LSAMP: variants seen among roughly 807,000 people sequenced by gnomAD.
LSAMP encodes the protein limbic system-associated membrane protein.
Under a neutral mutation model 38.6 loss-of-function variants are expected in LSAMP, and 7 were observed. The ratio of observed to expected loss-of-function variants is 0.18; its 90% CI spans 0.10 to 0.34. The LOEUF is 0.34. Ranked by LOEUF, LSAMP falls within the 10% of genes least tolerant of loss-of-function variation. The pLI, the probability that LSAMP is intolerant of heterozygous loss-of-function variation, is 1.00. For missense variants in LSAMP, 313 were observed against 420.0 expected, an observed-to-expected ratio of 0.75 and a Z score of 2.23; for synonymous variants, 154 against 166.8, an observed-to-expected ratio of 0.92 and a Z score of 0.59.
chr3:116,286,530 C>A (rs2047196221), intron 1 of LSAMP, among the ~76,000 whole-genome samples: 1 of 152,114 alleles, frequency 6.6e-6, no homozygotes, highest in East Asian at 1.9e-4. Flanking sequence ...GGCTCATGTC[C>A]TCAGATGAGG....
At chr3:116,227,173 A>G (rs1294227564) in intron 1 of LSAMP, among the ~76,000 whole-genome samples, 1 of 152,062 alleles carries the variant, frequency 6.6e-6, no homozygotes, top group Non-Finnish European at 1.5e-5. Context: ...TTCAAGGAAA[A>G]TCTACCCATA....
In LSAMP at chr3:115,809,199, C is replaced by T. The variant is rs1933726522; in HGVS notation, c.*1118G>A. ...ATTTTCTCTCCTAGGTCACCTCGTC[C>T]ACGTCATAATTCCTTATGCTGTTTG... is the stretch of plus-strand genomic sequence containing the variant. On this transcript the variant is annotated 3_prime_UTR_variant, in exon 7 of 7. Transcript: ENST00000490035. The T allele has an allele frequency of 6.6e-6, 1 of 152,136 alleles. No individual in the cohort carries two copies. Among genetic ancestry groups the T allele is most frequent in the South Asian group, 2.1e-4 (1 of 4,838 alleles). 9.4% of individuals were successfully genotyped at this position (152,136 alleles called of 1,614,324 possible).
At chr3:116,023,357 G>A (rs1217240836) in intron 2 of LSAMP, among the ~76,000 whole-genome samples, 1 of 151,804 alleles carries the variant, frequency 6.6e-6, no homozygotes, top group African/African-American at 2.4e-5. Context: ...CACTTTGGGA[G>A]GCCGAGGCAG....
intron 1 of LSAMP, among the ~76,000 whole-genome samples, chr3:116,153,998 A>G (rs1471495541): frequency 6.6e-6 from 1 of 152,130 alleles, no homozygotes; most frequent in Non-Finnish European, 1.5e-5. Context: ...CTCCCAAAAT[A>G]TTTCATATAG....
At chr3:115,895,333 C>G (rs533332641) in intron 3 of LSAMP, among the ~76,000 whole-genome samples, 1 of 152,068 alleles carries the variant, frequency 6.6e-6, no homozygotes, top group South Asian at 2.1e-4. Flanking sequence ...GGCAAGAGAC[C>G]AAACATTCAT....
intron 1 of LSAMP, among the ~76,000 whole-genome samples, chr3:116,354,456 T>C (rs1000372657): frequency 1.4e-4 from 21 of 152,182 alleles, no homozygotes; most frequent in African/African-American, 4.8e-4. Flanking sequence ...CAAAACATTG[T>C]TGTGAGTTAG....
rs554286502 is a variant in LSAMP, at chr3:116,167,110, T to A, written c.156-80554A>T. ...CTGGCCCTAAAATTTTTAATTTTTT[T>A]AAATTTTAATAGTTTTTTGGGTACA... On this transcript the variant is annotated intron_variant, in intron 1 of 6. Transcript: ENST00000490035. 4.9e-3 allele frequency among the ~76,000 whole-genome samples: 744 copies of A among 152,252 alleles called. 6 individuals are homozygous for A. The highest frequency in any genetic ancestry group is 0.016 in the African/African-American group (675 of 41,530).
rs527487280 is a variant in LSAMP at position 115,984,129 on chromosome 3, A to G, written c.514+35386T>C. 5.3e-5 allele frequency among the ~76,000 whole-genome samples: 8 copies of G among 152,322 alleles called. No individual in the cohort carries two copies. The South Asian group carries it at 1.7e-3, about 32-fold the overall frequency. On this transcript the variant is annotated intron_variant, in intron 3 of 6. Coordinates refer to ENST00000490035, the MANE Select transcript of LSAMP (RefSeq NM_002338.5). ...TCAAGAGATATTTAAGTCACAGCTT[A>G]GAATCAAGCTGGGTATGGGGAGCAA...
chr3:116,046,696 C>T (rs533485541), intron 2 of LSAMP, among the ~76,000 whole-genome samples: 1 of 152,176 alleles, frequency 6.6e-6, no homozygotes, highest in Admixed American at 6.5e-5. Flanking sequence ...TGCTAGGGAG[C>T]CTTGGCAGTT....
intron 3 of LSAMP, among the ~76,000 whole-genome samples, chr3:115,969,159 G>A (rs1339691349): frequency 6.6e-6 from 1 of 152,170 alleles, no homozygotes; most frequent in Non-Finnish European, 1.5e-5. Context: ...TTGCTCATCT[G>A]ATTGTTGGTT....
chr3:116,422,488 T>A lies in LSAMP; in HGVS notation c.155+22389A>T, dbSNP rs540070591. On this transcript the variant is annotated intron_variant, in intron 1 of 6. Coordinates refer to ENST00000490035, the MANE Select transcript of LSAMP (RefSeq NM_002338.5). ...CCCCATTTTATAGAAGAGACTTGAT[T>A]TGGGTATCAAAGGACGTTCTGGAAC... Among the ~76,000 whole-genome samples, 1,124 of 152,294 alleles carry A rather than the reference T, an allele frequency of 7.4e-3. 11 individuals are homozygous for A. The highest frequency in any genetic ancestry group is 0.026 in the African/African-American group (1,064 of 41,556).
At chr3:116,095,235 T>C (rs1708201061) in intron 1 of LSAMP, among the ~76,000 whole-genome samples, 1 of 152,194 alleles carries the variant, frequency 6.6e-6, no homozygotes, top group African/African-American at 2.4e-5. Context: ...CTTATTACAA[T>C]GATCATCACC....
intron 1 of LSAMP, among the ~76,000 whole-genome samples, chr3:116,389,240 T>C (rs1235055219): frequency 6.6e-6 from 1 of 152,166 alleles, no homozygotes; most frequent in Non-Finnish European, 1.5e-5. Flanking sequence ...GGCTCTCTAG[T>C]GTCTCTTCCA....
At chr3:115,919,056 G>A (rs766424056) in intron 3 of LSAMP, among the ~76,000 whole-genome samples, 1 of 152,134 alleles carries the variant, frequency 6.6e-6, no homozygotes, top group Non-Finnish European at 1.5e-5. Flanking sequence ...TTCTGCTCTA[G>A]AAGAGTTGAT....
At chr3:116,194,603 A>G (rs1710837603) in intron 1 of LSAMP, among the ~76,000 whole-genome samples, 9 of 152,118 alleles carry the variant, frequency 5.9e-5, no homozygotes, top group Admixed American at 5.9e-4. Context: ...TCACCGTGTT[A>G]GCCAGGATGG....
At chr3:116,373,865 G>T (rs1378469935) in intron 1 of LSAMP, among the ~76,000 whole-genome samples, 1 of 151,900 alleles carries the variant, frequency 6.6e-6, no homozygotes, top group Non-Finnish European at 1.5e-5. Context: ...TCATGGAGCT[G>T]TTGACTTTAG....
At chr3:116,214,452 G>A (rs1198172768) in intron 1 of LSAMP, among the ~76,000 whole-genome samples, 1 of 147,262 alleles carries the variant, frequency 6.8e-6, no homozygotes, top group Non-Finnish European at 1.5e-5. Flanking sequence ...AAGGCCCTGA[G>A]TTTTCTGTTT....
chr3:115,972,484 T>A (rs1410716080), intron 3 of LSAMP, among the ~76,000 whole-genome samples: 1 of 151,728 alleles, frequency 6.6e-6, no homozygotes, highest in African/African-American at 2.4e-5. Context: ...TATTTAAAAT[T>A]TTTAATATAT....
chr3:115,958,427 T>C (rs1370712447), intron 3 of LSAMP, among the ~76,000 whole-genome samples: 1 of 152,216 alleles, frequency 6.6e-6, no homozygotes, highest in Non-Finnish European at 1.5e-5. Context: ...TTTTGAATTG[T>C]AAACGTTTCA....
Sources: gnomAD v4.1 joint callset for allele counts (sites outside exome capture counted in the v4.1 genomes callset) on GRCh38, gnomAD v4.1.1 for gene constraint, MANE v1.5 for transcripts, NCBI Gene and HGNC (gene_info 2026-07-23, HGNC 2026-07-21) for gene names.